The following IL27RA variants were observed in gnomAD, a reference collection of about 807,000 sequenced individuals.
IL27RA encodes interleukin-27 receptor subunit alpha.
In IL27RA, 61 loss-of-function variants were observed where a neutral mutation model predicts 80.8. The ratio of observed to expected loss-of-function variants is 0.76; its 90% confidence interval spans 0.61 to 0.93. The LOEUF (loss-of-function observed/expected upper bound fraction) is 0.93. IL27RA is among the 40% of genes least tolerant of loss of function. The pLI, the probability that IL27RA is intolerant of heterozygous loss-of-function variation, is 0.00. For missense variants in IL27RA, 735 were observed against 808.1 expected, an observed-to-expected ratio of 0.91 and a Z score of 1.10; for synonymous variants, 316 against 332.5, an observed-to-expected ratio of 0.95 and a Z score of 0.54.
At chr19:14,051,736 G>C (rs769270098) in intron 12 of IL27RA, 36 bp downstream of exon 12, 1 of 1,522,144 alleles carries the variant, frequency 6.6e-7, no homozygotes. Context: ...CTACCCACGT[G>C]GGGAAGGCAG....
intron 12 of IL27RA, 65 bp from the exon 13 acceptor site, chr19:14,051,815 C>T (rs999725737): frequency 6.8e-7 from 1 of 1,462,702 alleles, no homozygotes; most frequent in Non-Finnish European, 9.5e-7. Flanking sequence ...TTCATGAACC[C>T]TGCACCCTGG....
chr19:14,050,889 G>T lies in IL27RA; in HGVS notation c.1528+6G>T. The T allele has an allele frequency of 6.2e-7, 1 of 1,603,902 alleles. No homozygotes were observed. On this transcript the variant is annotated splice_donor_region_variant and intron_variant, in intron 11 of 13. Transcript: ENST00000263379. ...CCTCCGGCTTCATCTACCAGGTAGG[G>T]GGGTTGGGATGGGATTGCCACAGGG...
rs1976065817 is a variant in IL27RA, at chr19:14,046,393, C to T, written c.953-37C>T. The T allele has an allele frequency of 2.5e-6, 4 of 1,613,892 alleles. No individual in the cohort carries two copies. In the South Asian group the frequency reaches 3.3e-5, roughly 13 times the overall value. ...GCCCTGGAGGGGTGGGAAGTGACTTCCTGAGTGGGCAGCTGAGACTTCTCT... is the reference window on the plus strand; with the variant it reads ...GCCCTGGAGGGGTGGGAAGTGACTTTCTGAGTGGGCAGCTGAGACTTCTCT... On this transcript the variant is annotated intron_variant, in intron 7 of 13. Transcript: ENST00000263379.
intron 2 of IL27RA, among the ~76,000 whole-genome samples, chr19:14,032,805 CAAAA>C (rs60328140): frequency 3.3e-5 from 2 of 60,776 alleles, no homozygotes; most frequent in East Asian, 4.6e-4. Context: ...GACTCTGTCT[CAAAA>C]AAAAAAAAAA....
In IL27RA at chr19:14,031,998, C is replaced by T. The variant is rs376461293; in HGVS notation, c.100+26C>T. The T allele has an allele frequency of 1.3e-4, 203 of 1,568,722 alleles. No individual in the cohort carries two copies. In the African/African-American group the frequency reaches 2.5e-3, roughly 19 times the overall value. On this transcript the variant is annotated intron_variant, in intron 1 of 13. Transcript: ENST00000263379. ...GTGAGTGCTGGAGGGAGCTCGTGTC[C>T]CGGGCGCTGCCGCTGCGCTCCCCGC...
chr19:14,042,006 T>C (rs1975995332), intron 4 of IL27RA, among the ~76,000 whole-genome samples: 1 of 151,866 alleles, frequency 6.6e-6, no homozygotes, highest in Non-Finnish European at 1.5e-5. Flanking sequence ...CGAGACCATC[T>C]TGGCCAACAT....
rs1239044918 is a variant in IL27RA, at chr19:14,046,348, G to A, written c.952+11G>A. The A allele has an allele frequency of 1.2e-6, 2 of 1,613,478 alleles. No homozygotes were observed. Among genetic ancestry groups the A allele is most frequent in the Admixed American group, 3.3e-5 (2 of 59,968 alleles). On this transcript the variant is annotated intron_variant, in intron 7 of 13. Coordinates refer to ENST00000263379, the MANE Select transcript of IL27RA (RefSeq NM_004843.4). ...CTTTGGTCTGCTTGGGTAAGAGACT[G>A]TGACCTTCCTCAGCTCGGTGCCCTG...
At chr19:14,040,361 C>CA (rs886076771) in intron 4 of IL27RA, among the ~76,000 whole-genome samples, 42 of 138,760 alleles carry the variant, frequency 3.0e-4, no homozygotes, top group Middle Eastern at 3.6e-3. Flanking sequence ...GACTCAGTCT[C>CA]AAAAAAAAAA....
intron 2 of IL27RA, among the ~76,000 whole-genome samples, chr19:14,034,952 CAAAAAA>C (rs71170590): frequency 2.1e-5 from 3 of 143,468 alleles, no homozygotes; most frequent in Non-Finnish European, 4.6e-5. Flanking sequence ...GACTCCGTCT[CAAAAAA>C]AAAAAAAATT....
chr19:14,034,814 G>C lies in IL27RA; in HGVS notation c.218+2311G>C, dbSNP rs1474838979. ...AAAAATACAAAAAAATTAGCTGGGCGTGGTGGCTGGCGCCTGTAGTCCCAG... is the reference window on the plus strand; with the variant it reads ...AAAAATACAAAAAAATTAGCTGGGCCTGGTGGCTGGCGCCTGTAGTCCCAG... On this transcript the variant is annotated intron_variant, in intron 2 of 13. Coordinates refer to ENST00000263379, the MANE Select transcript of IL27RA (RefSeq NM_004843.4). Among the ~76,000 whole-genome samples, 4 of 151,664 alleles carry C rather than the reference G, an allele frequency of 2.6e-5. No individual in the cohort carries two copies. The East Asian group carries it at 7.8e-4, about 30-fold the overall frequency.
chr19:14,044,033 AG>A (rs1284726944), intron 6 of IL27RA, among the ~76,000 whole-genome samples: 1 of 143,516 alleles, frequency 7.0e-6, no homozygotes, highest in African/African-American at 2.6e-5. Flanking sequence ...GGGCAACAAG[AG>A]CAAGACTCTG....
In IL27RA at chr19:14,039,491, C is replaced by T. The variant is rs75852614; in HGVS notation, c.219-17C>T. 111,637 of 1,602,370 alleles carry T rather than the reference C, an allele frequency of 0.07. 4,721 individuals carry two copies. Among genetic ancestry groups the T allele is most frequent in the Admixed American group, 0.14 (8,128 of 59,156 alleles). ...TCTAGCCGAGTGTGCATCTCATCCC[C>T]GCCTCTCTCCTCACAGCCGTTCCAA... On this transcript the variant is annotated splice_polypyrimidine_tract_variant and intron_variant, in intron 2 of 13. Coordinates refer to ENST00000263379, the MANE Select transcript of IL27RA (RefSeq NM_004843.4).
At chr19:14,038,824 C>T (rs1282354248) in intron 2 of IL27RA, among the ~76,000 whole-genome samples, 5 of 150,030 alleles carry the variant, frequency 3.3e-5, no homozygotes, top group Admixed American at 1.3e-4. Context: ...GCAGAGGTTG[C>T]GGTGAGCCAA....
chr19:14,042,994 T>A (rs2145691520), intron 6 of IL27RA, among the ~76,000 whole-genome samples: 1 of 151,760 alleles, frequency 6.6e-6, no homozygotes, highest in Middle Eastern at 3.4e-3. Context: ...ATACAAAACT[T>A]CACGGGGAGT....
rs770648178 is a variant in IL27RA at position 14,049,183 on chromosome 19, G to A, written c.1271G>A (p.Arg424Gln). The A allele has an allele frequency of 7.4e-6, 12 of 1,613,920 alleles. No homozygotes were observed. In the African/African-American group the frequency reaches 9.3e-5, roughly 13 times the overall value. ...LAPLVGPTLW[R>Q]LQDAPPGTPA... The stretch of plus-strand genomic sequence containing the variant: ...CCCCTAGTGGGGCCAACGCTTTGGC[G>A]ACTCCAAGATGCCCCTCCAGGGACC... The change falls in exon 10 of 14, where the codon CGA becomes CAA. Residue 424 changes from arginine (R) to glutamine (Q), a missense_variant. Physicochemically the swap from Arg to Gln is conservative, Grantham distance 43. Coordinates refer to ENST00000263379, the MANE Select transcript of IL27RA (RefSeq NM_004843.4).
Position 14,051,991 on chromosome 19 carries a change from C to A in IL27RA, c.1716+18C>A, listed in dbSNP as rs773405178. The A allele has an allele frequency of 1.1e-5, 17 of 1,573,700 alleles. No homozygotes were observed. In the East Asian group the frequency reaches 3.9e-4, roughly 36 times the overall value. On this transcript the variant is annotated intron_variant, in intron 13 of 13. Coordinates refer to ENST00000263379, the MANE Select transcript of IL27RA (RefSeq NM_004843.4). ...ACATGGAGGTGAGTCAAAGGGCCGG[C>A]TAGTCGGAGCCCTCTGGGGGACTGG...
At chr19:14,046,643 T>TC in intron 8 of IL27RA, 25 bp downstream of exon 8, 1 of 1,564,800 alleles carries the variant, frequency 6.4e-7, no homozygotes, top group South Asian at 1.2e-5. Flanking sequence ...CACCTGGGTC[T>TC]CCATCCCCGC....
At chr19:14,041,822 T>C (rs1218345622) in intron 4 of IL27RA, among the ~76,000 whole-genome samples, 1 of 151,956 alleles carries the variant, frequency 6.6e-6, no homozygotes. Flanking sequence ...TCCCAGCACT[T>C]TGGGAGGCCG....
At chr19:14,040,619 G>A (rs1746431539) in intron 4 of IL27RA, among the ~76,000 whole-genome samples, 2 of 151,800 alleles carry the variant, frequency 1.3e-5, no homozygotes, top group African/African-American at 4.8e-5. Flanking sequence ...TCAGGAGTTC[G>A]GGACCAGCCT....
Sources: gnomAD v4.1 joint callset for allele counts (sites outside exome capture counted in the v4.1 genomes callset) on GRCh38, gnomAD v4.1.1 for gene constraint, MANE v1.5 for transcripts, NCBI Gene and HGNC (gene_info 2026-07-23, HGNC 2026-07-21) for gene names.